The following SGCZ variants were observed in gnomAD, a reference collection of about 807,000 sequenced individuals.
SGCZ encodes the protein zeta-sarcoglycan.
SGCZ carries 40 observed loss-of-function variants against 41.3 expected under a neutral mutation model. The observed-to-expected ratio is 0.97, with a 90% CI of 0.75 to 1.26. SGCZ has a LOEUF of 1.26. SGCZ is among the 50% of genes most tolerant of loss of function. The pLI is 0.00. For synonymous variants in SGCZ, 206 were observed against 137.5 expected (o/e 1.50, Z -3.49); for missense variants, 552 against 369.8 (o/e 1.49, Z -4.04).
intron 1 of SGCZ, among the ~76,000 whole-genome samples, chr8:15,173,317 T>A (rs1367166267): frequency 1.3e-5 from 2 of 152,210 alleles, no homozygotes; most frequent in African/African-American, 4.8e-5. Flanking sequence ...ATCGTGCAAT[T>A]TTGAAACACT....
In SGCZ at chr8:14,351,720, T is replaced by C. The variant is rs1803104022; in HGVS notation, c.235-27516A>G. Among the ~76,000 whole-genome samples, 3 of 152,074 alleles carry C rather than the reference T, an allele frequency of 2.0e-5. 1 individual carries two copies. In the South Asian group the frequency reaches 6.2e-4, roughly 31 times the overall value. On this transcript the variant is annotated intron_variant, in intron 2 of 7. Coordinates refer to ENST00000382080, the MANE Select transcript of SGCZ (RefSeq NM_139167.4). ...TAAAAAAAGAATTTGCTTGTAATGG[T>C]ACAATGATTAATTTCTTTATATTAT...
intron 1 of SGCZ, among the ~76,000 whole-genome samples, chr8:15,107,649 T>G (rs541607691): frequency 2.6e-5 from 4 of 151,962 alleles, no homozygotes; most frequent in Non-Finnish European, 5.9e-5. Context: ...TACATAAACC[T>G]TTTTTTTGTT....
chr8:14,977,470 A>T (rs4517124), intron 1 of SGCZ, among the ~76,000 whole-genome samples: 5 of 152,206 alleles, frequency 3.3e-5, no homozygotes, highest in Non-Finnish European at 7.3e-5. Flanking sequence ...TCTAACTACT[A>T]CATTACTTTC....
intron 4 of SGCZ, among the ~76,000 whole-genome samples, chr8:14,200,712 G>A (rs548839692): frequency 6.6e-6 from 1 of 152,216 alleles, no homozygotes; most frequent in South Asian, 2.1e-4. Context: ...GTAGAGCATA[G>A]AATAAAGTCT....
chr8:14,913,172 T>G (rs1051987894), intron 1 of SGCZ, among the ~76,000 whole-genome samples: 1 of 151,818 alleles, frequency 6.6e-6, no homozygotes, highest in African/African-American at 2.4e-5. Flanking sequence ...AATCTCATCC[T>G]AATTATTCAG....
intron 1 of SGCZ, among the ~76,000 whole-genome samples, chr8:15,014,368 G>C (rs1371255440): frequency 6.6e-6 from 1 of 152,198 alleles, no homozygotes; most frequent in African/African-American, 2.4e-5. Context: ...ACAGGTGCCA[G>C]TCCCAAATAA....
chr8:14,335,894 T>A (rs1802488845), intron 2 of SGCZ, among the ~76,000 whole-genome samples: 1 of 152,106 alleles, frequency 6.6e-6, no homozygotes, highest in African/African-American at 2.4e-5. Context: ...CAATGTTAAT[T>A]CCAAAATTTA....
At chr8:14,617,934 G>A (rs960438893) in intron 1 of SGCZ, among the ~76,000 whole-genome samples, 2 of 151,480 alleles carry the variant, frequency 1.3e-5, no homozygotes, top group African/African-American at 2.4e-5. Context: ...ATCACAATAC[G>A]TTAAGAGGCA....
chr8:15,116,347 C>T lies in SGCZ; in HGVS notation c.39+121238G>A, dbSNP rs74571377. Among the ~76,000 whole-genome samples, 263 of 152,276 alleles carry T rather than the reference C, an allele frequency of 1.7e-3. 1 individual carries two copies. Among genetic ancestry groups the T allele is most frequent in the African/African-American group, 5.8e-3 (242 of 41,552 alleles). On this transcript the variant is annotated intron_variant, in intron 1 of 7. Coordinates refer to ENST00000382080, the MANE Select transcript of SGCZ (RefSeq NM_139167.4). ...TATGAACTTTCTGCCTTAAATCTTA[C>T]GGTATGAAATAGTCCAATGAAACCT...
At chr8:14,378,369 G>A (rs894038521) in intron 2 of SGCZ, among the ~76,000 whole-genome samples, 6 of 152,108 alleles carry the variant, frequency 3.9e-5, no homozygotes, top group Non-Finnish European at 5.9e-5. Context: ...ATAGGCATGG[G>A]CAAGGACTTC....
At chr8:14,913,167 C>T (rs947462164) in intron 1 of SGCZ, among the ~76,000 whole-genome samples, 1 of 152,012 alleles carries the variant, frequency 6.6e-6, no homozygotes, top group African/African-American at 2.4e-5. Flanking sequence ...CAGAAAATCT[C>T]ATCCTAATTA....
At chr8:14,257,299 C>A (rs902275180) in intron 3 of SGCZ, among the ~76,000 whole-genome samples, 7 of 151,714 alleles carry the variant, frequency 4.6e-5, no homozygotes, top group Non-Finnish European at 1.0e-4. Flanking sequence ...CCACTCACTC[C>A]CTCACTCCAC....
At chr8:14,348,629 C>T (rs1236728886) in intron 2 of SGCZ, among the ~76,000 whole-genome samples, 1 of 152,092 alleles carries the variant, frequency 6.6e-6, no homozygotes, top group Non-Finnish European at 1.5e-5. Context: ...AAATGATAGC[C>T]ATTAAATATA....
chr8:15,083,696 G>A (rs1193515218), intron 1 of SGCZ, among the ~76,000 whole-genome samples: 5 of 152,114 alleles, frequency 3.3e-5, no homozygotes, highest in African/African-American at 1.2e-4. Flanking sequence ...CCACAGGCAT[G>A]TGCTTTCATG....
intron 2 of SGCZ, among the ~76,000 whole-genome samples, chr8:14,469,656 G>A (rs1306143218): frequency 6.6e-6 from 1 of 152,086 alleles, no homozygotes; most frequent in Non-Finnish European, 1.5e-5. Flanking sequence ...AAAGACCAAG[G>A]CATGATTAGA....
intron 1 of SGCZ, among the ~76,000 whole-genome samples, chr8:14,773,530 C>G (rs1371234849): frequency 6.6e-6 from 1 of 152,190 alleles, no homozygotes; most frequent in Non-Finnish European, 1.5e-5. Flanking sequence ...TACTTTCTCC[C>G]ATTCTGGGGA....
At chr8:14,724,836 T>C (rs933370714) in intron 1 of SGCZ, among the ~76,000 whole-genome samples, 4 of 152,204 alleles carry the variant, frequency 2.6e-5, no homozygotes, top group African/African-American at 7.2e-5. Context: ...TTATGATTTC[T>C]TTGTGTCAGA....
chr8:14,336,197 A>G (rs569402341), intron 2 of SGCZ, among the ~76,000 whole-genome samples: 1 of 152,246 alleles, frequency 6.6e-6, no homozygotes, highest in African/African-American at 2.4e-5. Context: ...TTAATTTGCT[A>G]AGGATAATGG....
intron 1 of SGCZ, among the ~76,000 whole-genome samples, chr8:14,563,147 A>C (rs1164074224): frequency 1.3e-5 from 2 of 152,146 alleles, no homozygotes; most frequent in Non-Finnish European, 1.5e-5. Context: ...CCTCCTCCAC[A>C]GTGTGCTTCC....
Sources: allele counts gnomAD v4.1 joint callset (sites outside exome capture counted in the v4.1 genomes callset), GRCh38; gene constraint gnomAD v4.1.1; transcripts MANE v1.5; gene names NCBI Gene and HGNC (gene_info 2026-07-23, HGNC 2026-07-21).